Variants in BACH2 observed in about 807,000 individuals in gnomAD.
BACH2 encodes transcription regulator protein BACH2.
Under a neutral mutation model 61.8 loss-of-function variants are expected in BACH2, and 5 were observed. The ratio of observed to expected loss-of-function variants is 0.08; its 90% confidence interval spans 0.04 to 0.17. The LOEUF is 0.17. BACH2 is among the 10% of genes least tolerant of loss of function. The pLI is 1.00. For synonymous variants in BACH2, 446 were observed against 440.1 expected, an observed-to-expected ratio of 1.01 and a Z score of -0.17; for missense variants, 824 against 1,091.1, an observed-to-expected ratio of 0.76 and a Z score of 3.45.
chr6:90,282,528 C>T (rs1320121543), intron 1 of BACH2, among the ~76,000 whole-genome samples: 1 of 151,624 alleles, frequency 6.6e-6, no homozygotes, highest in Non-Finnish European at 1.5e-5. Flanking sequence ...GTGTATGTAC[C>T]ACATTTTCTT....
chr6:90,152,876 TTG>T (rs942082273), intron 4 of BACH2, among the ~76,000 whole-genome samples: 18 of 152,284 alleles, frequency 1.2e-4, no homozygotes, highest in African/African-American at 4.3e-4. Context: ...AAGGAGGACT[TTG>T]TGAATATTAC....
chr6:90,070,566 A>G (rs542755335), intron 5 of BACH2, among the ~76,000 whole-genome samples: 17 of 152,184 alleles, frequency 1.1e-4, no homozygotes, highest in South Asian at 6.2e-4. Flanking sequence ...TGATTCTTTA[A>G]AATCTTAGGG....
chr6:89,950,284 C>T lies in BACH2; in HGVS notation c.1822G>A (p.Asp608Asn). Residue 608 changes from aspartate to asparagine, a missense_variant, in exon 7 of 9, where the codon GAC becomes AAC. Asp to Asn is a conservative substitution (Grantham distance 23). This residue lies in a region of BACH2 where 160 missense variants were observed against 283.5 expected (regional missense o/e 0.56). Coordinates refer to ENST00000257749, the MANE Select transcript of BACH2 (RefSeq NM_021813.4). This position sits in a 1 kb window ranked among gnomAD's most constrained non-coding sequence, Gnocchi z 5.3. ...EADSESCPVQ[D>N]RGQEVKLPFP... ...GGGTTCCCTACCTCCTGGCCCCTGTCCTGCACAGGACACGACTCACTGTCT... is the reference window on the plus strand; with the variant it reads ...GGGTTCCCTACCTCCTGGCCCCTGTTCTGCACAGGACACGACTCACTGTCT... The T allele has an allele frequency of 6.2e-7, 1 of 1,614,128 alleles. No individual in the cohort carries two copies. Among genetic ancestry groups the T allele is most frequent in the Non-Finnish European group, 8.5e-7 (1 of 1,180,030 alleles).
chr6:90,062,625 C>G (rs1380054460), intron 5 of BACH2, among the ~76,000 whole-genome samples: 5 of 152,166 alleles, frequency 3.3e-5, no homozygotes, highest in Admixed American at 2.0e-4. Context: ...ACCCAAAGAC[C>G]TTTATGTATT....
intron 4 of BACH2, among the ~76,000 whole-genome samples, chr6:90,090,647 A>ACCCTCATTAGG (rs1411951458): frequency 6.6e-6 from 1 of 152,116 alleles, no homozygotes; most frequent in East Asian, 1.9e-4. Flanking sequence ...CCATCAAATG[A>ACCCTCATTAGG]CCCTCATTAG....
At chr6:90,178,075 T>C (rs907502450) in intron 4 of BACH2, among the ~76,000 whole-genome samples, 1 of 152,120 alleles carries the variant, frequency 6.6e-6, no homozygotes, top group Non-Finnish European at 1.5e-5. Flanking sequence ...ACGCTTTCTA[T>C]AACTGCTCTT....
intron 1 of BACH2, among the ~76,000 whole-genome samples, chr6:90,296,002 C>G (rs1772356588): frequency 6.6e-6 from 1 of 152,054 alleles, no homozygotes; most frequent in African/African-American, 2.4e-5. Flanking sequence ...AGGAGGAGGC[C>G]GCCCGGCCTG....
chr6:90,296,016 C>A (rs537168396), intron 1 of BACH2, among the ~76,000 whole-genome samples: 1 of 152,174 alleles, frequency 6.6e-6, no homozygotes, highest in Non-Finnish European at 1.5e-5. Flanking sequence ...CGGCCTGGAG[C>A]TGGGATCGCA....
chr6:90,151,466 T>G (rs1227322572), intron 4 of BACH2, among the ~76,000 whole-genome samples: 2 of 152,176 alleles, frequency 1.3e-5, no homozygotes, highest in South Asian at 2.1e-4. Context: ...AAACTAAATT[T>G]TTTTTGTAGA....
intron 4 of BACH2, among the ~76,000 whole-genome samples, chr6:90,122,826 G>GT (rs1405389675): frequency 6.6e-6 from 1 of 152,226 alleles, no homozygotes; most frequent in African/African-American, 2.4e-5. Flanking sequence ...CATTGCTAGT[G>GT]TAGCTACTGA....
chr6:90,279,154 C>T (rs1052205728), intron 1 of BACH2, among the ~76,000 whole-genome samples: 2 of 151,908 alleles, frequency 1.3e-5, no homozygotes, highest in Non-Finnish European at 2.9e-5. Flanking sequence ...TGATTTCAAA[C>T]CATTCTGAAA....
intron 4 of BACH2, among the ~76,000 whole-genome samples, chr6:90,189,907 C>G (rs1315145278): frequency 6.6e-6 from 1 of 152,098 alleles, no homozygotes; most frequent in Non-Finnish European, 1.5e-5. Context: ...CCCTCTGAAG[C>G]CTCTGCTTCT....
intron 1 of BACH2, among the ~76,000 whole-genome samples, chr6:90,285,496 G>T (rs1352755151): frequency 2.0e-5 from 3 of 152,092 alleles, no homozygotes; most frequent in Admixed American, 6.6e-5. Flanking sequence ...TTTATTATCA[G>T]CCCCTTTTGC....
chr6:90,227,847 C>G (rs891469940), intron 3 of BACH2, among the ~76,000 whole-genome samples: 1 of 151,984 alleles, frequency 6.6e-6, no homozygotes, highest in Admixed American at 6.6e-5. Flanking sequence ...GGTATTAAAT[C>G]TCATGCAATA....
chr6:90,138,135 G>C (rs1156510359), intron 4 of BACH2, among the ~76,000 whole-genome samples: 2 of 151,176 alleles, frequency 1.3e-5, no homozygotes, highest in Non-Finnish European at 2.9e-5. Flanking sequence ...CATAACCAAA[G>C]GCTCATTCTA....
chr6:89,934,950 A>G (rs1772922777), intron 8 of BACH2, among the ~76,000 whole-genome samples: 1 of 152,180 alleles, frequency 6.6e-6, no homozygotes. Context: ...GGAAAGAGAG[A>G]TTTACACCGG....
At chr6:90,123,769 CAAAAAA>C (rs796903431) in intron 4 of BACH2, among the ~76,000 whole-genome samples, 4 of 33,996 alleles carry the variant, frequency 1.2e-4, no homozygotes, top group Non-Finnish European at 2.1e-4. Flanking sequence ...GACTCCGTCT[CAAAAAA>C]AAAAAAAAAA....
In BACH2 at chr6:89,950,979, A is replaced by T; in HGVS notation, c.1127T>A (p.Ile376Asn). ...GTCAGTTTTAAGGTCACCCTGAGTG[A>T]TCCCCTTGTCAAAAGGGCAGGCTGG... ...RSPACPFDKG[I>N]TQGDLKTDYT... is the part of the protein sequence containing the mutation. The change falls in exon 7 of 9, where the codon ATC becomes AAC. Residue 376 changes from isoleucine to asparagine, a missense_variant. Physicochemically the swap from Ile to Asn is moderately radical, Grantham distance 149. Coordinates refer to ENST00000257749, the MANE Select transcript of BACH2 (RefSeq NM_021813.4). The surrounding 1 kb of genome is among the most constrained non-coding windows in gnomAD (Gnocchi z 5.3). 2 of 1,577,110 alleles carry T rather than the reference A, an allele frequency of 1.3e-6. No homozygotes were observed. The highest frequency in any genetic ancestry group is 4.5e-5 in the East Asian group (2 of 44,572).
chr6:90,063,272 G>GGTGT (rs921415448), intron 5 of BACH2, among the ~76,000 whole-genome samples: 2 of 151,938 alleles, frequency 1.3e-5, no homozygotes, highest in African/African-American at 4.8e-5. Flanking sequence ...CTCCTATGGG[G>GGTGT]GTGTGTGTGT....
Sources: allele counts gnomAD v4.1 joint callset (sites outside exome capture counted in the v4.1 genomes callset), GRCh38; gene constraint gnomAD v4.1.1; regional missense constraint gnomAD v4.1.1; non-coding constraint Gnocchi (gnomAD v3.1); transcripts MANE v1.5; gene names NCBI Gene and HGNC (gene_info 2026-07-23, HGNC 2026-07-21).